SERINC1: variants seen among roughly 807,000 people sequenced by gnomAD.
The protein encoded by SERINC1 is serine incorporator 1.
In SERINC1, 38 loss-of-function variants were observed where a neutral mutation model predicts 52.9. The observed-to-expected ratio is 0.72, with a 90% CI of 0.55 to 0.94. SERINC1 has a LOEUF of 0.94. Among genes scored for constraint, SERINC1 ranks in the 40% least tolerant of loss-of-function variants. SERINC1 has a pLI of 0.00. For missense variants in SERINC1, 471 were observed against 533.9 expected (o/e 0.88, Z 1.16); for synonymous variants, 198 against 183.1 (o/e 1.08, Z -0.66).
chr6:122,454,352 T>C (rs1156780659), intron 3 of SERINC1, 122 bp from the exon 4 acceptor site: 3 of 614,688 alleles, frequency 4.9e-6, no homozygotes, highest in Non-Finnish European at 8.6e-6. Context: ...TACTTCTTTC[T>C]GAGGATATTA....
chr6:122,464,320 G>T (rs1286291533), intron 1 of SERINC1, among the ~76,000 whole-genome samples: 1 of 152,016 alleles, frequency 6.6e-6, no homozygotes, highest in Non-Finnish European at 1.5e-5. Flanking sequence ...TGAATTAAAG[G>T]ATATTCACAG....
chr6:122,471,128 C>G (rs548844180), intron 1 of SERINC1, among the ~76,000 whole-genome samples: 32 of 151,828 alleles, frequency 2.1e-4, no homozygotes, highest in Admixed American at 1.3e-3. Context: ...ACAGTTACGG[C>G]AGAGCTATGA....
chr6:122,445,083 G>A lies in SERINC1; in HGVS notation c.1323C>T (p.Leu441=), dbSNP rs36042888. The change falls in exon 10 of 10, where the codon CTC becomes CTT. Residue 441 remains leucine, a synonymous_variant. Transcript: ENST00000339697. ...WIGIVLYVWT[L]VAPLVLTNRD... is the part of the protein sequence containing the mutation. ...GATTTGTAAGAACAAGTGGTGCCAC[G>A]AGTGTCCAAACATACAGCACGATGC... The A allele has an allele frequency of 2.0e-5, 32 of 1,613,922 alleles. 1 individual carries two copies. In the South Asian group the frequency reaches 2.5e-4, roughly 13 times the overall value.
chr6:122,460,377 G>C (rs483933), intron 1 of SERINC1, among the ~76,000 whole-genome samples: 106,230 of 152,158 alleles, frequency 0.7, 37,244 homozygotes, highest in South Asian at 0.78. Flanking sequence ...GCCCAGCCAA[G>C]TGGCCCTTAT....
chr6:122,451,776 A>AAAAAAAAAT, intron 6 of SERINC1, 22 bp from the exon 7 acceptor site: 48 of 113,022 alleles, frequency 4.2e-4, no homozygotes, highest in African/African-American at 2.2e-3. Flanking sequence ...AAAAAAAAAA[A>AAAAAAAAAT]ATATATATAT....
chr6:122,446,254 A>T (rs1303712656), intron 9 of SERINC1, among the ~76,000 whole-genome samples: 3 of 148,278 alleles, frequency 2.0e-5, no homozygotes, highest in East Asian at 2.0e-4. Flanking sequence ...TGAAGTGATT[A>T]AAAAAAAAAG....
At chr6:122,463,662 GA>G (rs1775143354) in intron 1 of SERINC1, among the ~76,000 whole-genome samples, 1 of 152,102 alleles carries the variant, frequency 6.6e-6, no homozygotes, top group Non-Finnish European at 1.5e-5. Context: ...ATGCATATTA[GA>G]ACGGCTAAAA....
At chr6:122,452,105 T>C in intron 5 of SERINC1, 48 bp from the exon 6 acceptor site, 1 of 1,265,524 alleles carries the variant, frequency 7.9e-7, no homozygotes, top group Non-Finnish European at 1.0e-6. Flanking sequence ...CAGAAATTAT[T>C]AGCAATTAGA....
chr6:122,456,503 G>A lies in SERINC1; in HGVS notation c.349C>T (p.Pro117Ser), dbSNP rs1391387598. ...TACCCATTGTGCACTGCAGCTCTAGGATCACTGCTACTCTTCACTTTGATC... is the reference window on the plus strand; with the variant it reads ...TACCCATTGTGCACTGCAGCTCTAGAATCACTGCTACTCTTCACTTTGATC... ...LMIKVKSSSD[P>S]RAAVHNGFWF... Residue 117 changes from proline to serine, a missense_variant, in exon 3 of 10, where the codon CCT (proline) becomes TCT (serine). Transcript: ENST00000339697. The A allele has an allele frequency of 6.2e-7, 1 of 1,600,990 alleles. No homozygotes were observed. Among genetic ancestry groups the A allele is most frequent in the Admixed American group, 1.7e-5 (1 of 57,528 alleles).
chr6:122,454,049 C>T (rs982654135), intron 4 of SERINC1, 102 bp downstream of exon 4: 2 of 1,090,864 alleles, frequency 1.8e-6, no homozygotes, highest in Admixed American at 2.6e-5. Context: ...CACACACACA[C>T]ACCCCCAAAC....
chr6:122,447,786 A>G (rs568021102), intron 7 of SERINC1, among the ~76,000 whole-genome samples: 1 of 152,330 alleles, frequency 6.6e-6, no homozygotes, highest in South Asian at 2.1e-4. Context: ...ATAAAGTATA[A>G]TGACCTACTG....
intron 9 of SERINC1, among the ~76,000 whole-genome samples, chr6:122,445,908 C>A (rs1774789131): frequency 9.8e-6 from 1 of 101,630 alleles, no homozygotes; most frequent in South Asian, 3.8e-4. Context: ...AAAGAACCAG[C>A]TGGATTCTTA....
intron 7 of SERINC1, among the ~76,000 whole-genome samples, chr6:122,449,755 G>A (rs1417223614): frequency 6.6e-6 from 1 of 152,194 alleles, no homozygotes; most frequent in African/African-American, 2.4e-5. Flanking sequence ...GGTTGCTCAC[G>A]CCTGTAAGTT....
At chr6:122,453,738 T>A (rs777004648) in intron 5 of SERINC1, 32 bp downstream of exon 5, 1 of 1,537,978 alleles carries the variant, frequency 6.5e-7, no homozygotes, top group Non-Finnish European at 8.8e-7. Flanking sequence ...AAAGTTCAAC[T>A]ATACTGAAGT....
chr6:122,450,254 C>G (rs1774881899), intron 7 of SERINC1, among the ~76,000 whole-genome samples: 1 of 152,064 alleles, frequency 6.6e-6, no homozygotes, highest in East Asian at 1.9e-4. Flanking sequence ...TCCTAGGGCC[C>G]TTAAGAATTA....
In SERINC1 at chr6:122,451,758, C is replaced by CAAAAAAAAAA. The variant is rs750920534; in HGVS notation, c.760-14_760-5dup. ...AACCAGATCTTGGTTGTGATTCCTACAAAAAAAAAAAAAAAAAAATATATA... is the reference window on the plus strand; with the variant it reads ...AACCAGATCTTGGTTGTGATTCCTACAAAAAAAAAAAAAAAAAAAAAAAAAAAAATATATA... On this transcript the variant is annotated splice_region_variant and splice_polypyrimidine_tract_variant and intron_variant, in intron 6 of 9. Coordinates refer to ENST00000339697, the MANE Select transcript of SERINC1 (RefSeq NM_020755.4). The CAAAAAAAAAA allele has an allele frequency of 6.6e-4, 58 of 88,518 alleles. 4 individuals are homozygous for CAAAAAAAAAA. The highest frequency in any genetic ancestry group is 1.0e-3 in the African/African-American group (9 of 8,956). The allele number at this position is 88,518 out of a possible 1,614,324, so 5.5% of individuals were successfully genotyped here.
chr6:122,463,031 A>G (rs77495035), intron 1 of SERINC1, among the ~76,000 whole-genome samples: 3,237 of 152,352 alleles, frequency 0.021, 40 homozygotes, highest in Non-Finnish European at 0.035. Flanking sequence ...AACAAAGTTA[A>G]AAGACACACT....
At chr6:122,448,464 C>A (rs1013136743) in intron 7 of SERINC1, among the ~76,000 whole-genome samples, 2 of 152,060 alleles carry the variant, frequency 1.3e-5, no homozygotes, top group African/African-American at 4.8e-5. Flanking sequence ...TCATTTTCTT[C>A]TTTTTAATAG....
At chr6:122,456,797 G>A in intron 2 of SERINC1, 147 bp from the exon 3 acceptor site, 1 of 568,576 alleles carries the variant, frequency 1.8e-6, no homozygotes, top group Non-Finnish European at 2.9e-6. Context: ...AGATGAGTCT[G>A]ATACATTTTA....
Sources: gnomAD v4.1 joint callset for allele counts (sites outside exome capture counted in the v4.1 genomes callset) on GRCh38, gnomAD v4.1.1 for gene constraint, MANE v1.5 for transcripts, NCBI Gene and HGNC (gene_info 2026-07-23, HGNC 2026-07-21) for gene names.